Variants in JAK2 observed in about 807,000 individuals in gnomAD.
JAK2 encodes tyrosine-protein kinase JAK2.
JAK2 carries 86 observed loss-of-function variants against 139.3 expected under a neutral mutation model. That is an observed-to-expected ratio of 0.62 (90% confidence interval 0.52 to 0.74). The LOEUF (loss-of-function observed/expected upper bound fraction) is 0.74, where lower values mean the gene tolerates loss of function less well. Among genes scored for constraint, JAK2 ranks in the 30% least tolerant of loss-of-function variants. JAK2 has a pLI of 0.00. For missense variants in JAK2, 1,421 were observed against 1,360.3 expected (o/e 1.04, Z -0.70); for synonymous variants, 490 against 437.7 (o/e 1.12, Z -1.49).
Position 5,072,680 on chromosome 9 carries a change from C to G in JAK2, c.1776+54C>G. On this transcript the variant is annotated intron_variant, in intron 13 of 24. Transcript: ENST00000381652. Reference sequence around the variant, plus strand: ...AGTTTATGCTGTTTAAAGATGTGCTCTCATATGCATACAACGTACTCATGT... The same window carrying G: ...AGTTTATGCTGTTTAAAGATGTGCTGTCATATGCATACAACGTACTCATGT... The G allele has an allele frequency of 3.7e-6, 5 of 1,365,230 alleles. No individual in the cohort carries two copies. In the South Asian group the frequency reaches 6.7e-5, roughly 18 times the overall value. 84.6% of individuals were successfully genotyped at this position (1,365,230 alleles called of 1,614,324 possible).
At chr9:5,082,602 G>A (rs886347283) in intron 19 of JAK2, among the ~76,000 whole-genome samples, 3 of 152,194 alleles carry the variant, frequency 2.0e-5, no homozygotes, top group Non-Finnish European at 4.4e-5. Context: ...TTGGGCTGGG[G>A]GACGGTCAGG....
chr9:5,075,443 A>G (rs1819246537), intron 14 of JAK2, among the ~76,000 whole-genome samples: 1 of 152,196 alleles, frequency 6.6e-6, no homozygotes, highest in Admixed American at 6.5e-5. Flanking sequence ...GTGATTTGAA[A>G]TTCAAACCAG....
chr9:5,114,358 G>T, intron 22 of JAK2: 1 of 534,044 alleles, frequency 1.9e-6, no homozygotes, highest in South Asian at 1.7e-5. Context: ...GAGAAGCAGT[G>T]CAATGGCACG....
intron 22 of JAK2, among the ~76,000 whole-genome samples, chr9:5,092,864 G>C (rs10815153): frequency 0.4 from 60,082 of 151,916 alleles, 13,861 homozygotes; most frequent in African/African-American, 0.65. Flanking sequence ...ATTACTTAAT[G>C]TCCCTGTAAG....
At chr9:5,085,251 C>A (rs1000084644) in intron 19 of JAK2, 1 of 677,334 alleles carries the variant, frequency 1.5e-6, no homozygotes, top group African/African-American at 1.8e-5. Flanking sequence ...CAGTGGCTAA[C>A]CTGAGATTCA....
At chr9:5,006,040 G>C (rs1296291628) in intron 2 of JAK2, among the ~76,000 whole-genome samples, 5 of 152,168 alleles carry the variant, frequency 3.3e-5, no homozygotes, top group Non-Finnish European at 7.4e-5. Flanking sequence ...GAAAGTCATT[G>C]GTAGCTTGAT....
At chr9:5,090,361 A>C (rs1820482925) in intron 20 of JAK2, 85 bp from the exon 21 acceptor site, 3 of 975,954 alleles carry the variant, frequency 3.1e-6, no homozygotes, top group East Asian at 2.9e-5. Context: ...ATATATGTTT[A>C]AGTCATTTAT....
intron 22 of JAK2, chr9:5,097,376 C>G (rs955764742): frequency 3.9e-5 from 6 of 152,220 alleles, no homozygotes; most frequent in African/African-American, 1.4e-4. Context: ...TTTGGTCACC[C>G]TGAAGTTTAT....
rs761377666 is a variant in JAK2 at position 5,069,004 on chromosome 9, A to T, written c.1327-18A>T. On this transcript the variant is annotated intron_variant, in intron 10 of 24. Coordinates refer to ENST00000381652, the MANE Select transcript of JAK2 (RefSeq NM_004972.4). ...ATTGTGACTATCCCTCCCTTTCTTT[A>T]TAATTAAACTTATACAGCGAGAAAA... 1.2e-5 allele frequency: 17 copies of T among 1,447,890 alleles called. No individual in the cohort carries two copies. The highest frequency in any genetic ancestry group is 1.6e-5 in the Non-Finnish European group (17 of 1,056,694). 89.7% of individuals were successfully genotyped at this position (1,447,890 alleles called of 1,614,324 possible). A position where few individuals can be genotyped will look rare whatever the true frequency, so the allele number is the denominator to read the frequency against.
Position 5,127,850 on chromosome 9 carries a change from A to G in JAK2, c.*1059A>G, listed in dbSNP as rs1246692211. 4.3e-6 allele frequency: 1 copy of G among 232,442 alleles called. No individual in the cohort carries two copies. Among genetic ancestry groups the G allele is most frequent in the Non-Finnish European group, 8.5e-6 (1 of 117,412 alleles). 14.4% of individuals were successfully genotyped at this position (232,442 alleles called of 1,614,324 possible). On this transcript the variant is annotated 3_prime_UTR_variant, in exon 25 of 25. Coordinates refer to ENST00000381652, the MANE Select transcript of JAK2 (RefSeq NM_004972.4). ...TTTCAGAATTTTGCATTGCAGTCAT[A>G]GAAGAGATTTATTTCCTTTTTAGAG...
At chr9:4,988,657 T>C (rs7867137) in intron 2 of JAK2, among the ~76,000 whole-genome samples, 70,026 of 152,054 alleles carry the variant, frequency 0.46, 17,336 homozygotes, top group African/African-American at 0.66. Context: ...CTATGTAATA[T>C]GTTTATAACT....
chr9:5,093,749 C>G (rs1427418803), intron 22 of JAK2, among the ~76,000 whole-genome samples: 1 of 152,082 alleles, frequency 6.6e-6, no homozygotes, highest in Non-Finnish European at 1.5e-5. Flanking sequence ...CAGTGCAATC[C>G]TATTCTATCA....
intron 2 of JAK2, among the ~76,000 whole-genome samples, chr9:5,015,851 C>T (rs995457291): frequency 6.6e-6 from 1 of 152,050 alleles, no homozygotes; most frequent in African/African-American, 2.4e-5. Flanking sequence ...TTCCAGTTAC[C>T]ATCCTTTCTG....
At chr9:4,987,895 C>T (rs769814625) in intron 2 of JAK2, among the ~76,000 whole-genome samples, 3 of 152,098 alleles carry the variant, frequency 2.0e-5, no homozygotes, top group Non-Finnish European at 4.4e-5. Context: ...GGCTGGGAGG[C>T]AAAGGAGATT....
At position 5,080,890 on chromosome 9, in the gene JAK2, TTC is replaced by T. The variant is rs371515272; in HGVS notation, c.2434+209_2434+210del. ...ATTTTCATTTTTATAAAAAGACCTT[TTC>T]TTTTTTTTTTTTTTTTTTTTTGAGA... On this transcript the variant is annotated intron_variant, in intron 18 of 24. Coordinates refer to ENST00000381652, the MANE Select transcript of JAK2 (RefSeq NM_004972.4). Among the ~76,000 whole-genome samples the T allele has an allele frequency of 2.0e-4, 26 of 130,782 alleles. No homozygotes were observed. In the South Asian group the frequency reaches 5.6e-3, roughly 28 times the overall value. 85.8% of individuals were successfully genotyped at this position (130,782 alleles called of 152,430 possible).
rs192041817 is a variant in JAK2, at chr9:5,114,861, G to A, written c.3060-8143G>A. On this transcript the variant is annotated intron_variant, in intron 22 of 24. Coordinates refer to ENST00000381652, the MANE Select transcript of JAK2 (RefSeq NM_004972.4). ...TCTGTCCAGCTGTGTGGTGGGAAGG[G>A]CTGGCCAGACCTTCTGTCCACTGTT... 1.1e-3 allele frequency: 241 copies of A among 227,184 alleles called. 3 individuals carry two copies. The East Asian group carries it at 0.029, about 27-fold the overall frequency. The allele number at this position is 227,184 out of a possible 1,614,324, so 14.1% of individuals were successfully genotyped here. A position where few individuals can be genotyped will look rare whatever the true frequency, so the allele number is the denominator to read the frequency against.
chr9:5,038,478 A>T (rs928736570), intron 4 of JAK2, among the ~76,000 whole-genome samples: 1 of 152,166 alleles, frequency 6.6e-6, no homozygotes, highest in African/African-American at 2.4e-5. Context: ...AGAAAAGAAA[A>T]CTACAGACCA....
chr9:5,026,253 C>G (rs966061672), intron 3 of JAK2, among the ~76,000 whole-genome samples: 3 of 152,132 alleles, frequency 2.0e-5, no homozygotes, highest in South Asian at 2.1e-4. Context: ...ATTTTTAGTA[C>G]ATGATATTGG....
At chr9:5,122,540 T>C (rs928093247) in intron 22 of JAK2, among the ~76,000 whole-genome samples, 1 of 152,108 alleles carries the variant, frequency 6.6e-6, no homozygotes, top group Non-Finnish European at 1.5e-5. Flanking sequence ...CAAAAATAAA[T>C]TTCTTTGGAT....
Sources: gnomAD v4.1 joint callset for allele counts (sites outside exome capture counted in the v4.1 genomes callset) on GRCh38, gnomAD v4.1.1 for gene constraint, MANE v1.5 for transcripts, NCBI Gene and HGNC (gene_info 2026-07-23, HGNC 2026-07-21) for gene names.